The following CNIH2 variants were observed in gnomAD, a reference collection of about 807,000 sequenced individuals.
The protein encoded by CNIH2 is protein cornichon homolog 2.
In CNIH2, 8 loss-of-function variants were observed where a neutral mutation model predicts 22.9. The observed-to-expected ratio is 0.35, with a 90% CI of 0.20 to 0.63. The LOEUF (loss-of-function observed/expected upper bound fraction) is 0.63. Ranked by LOEUF, CNIH2 falls within the 30% of genes least tolerant of loss-of-function variation. The pLI is 0.72. For missense variants in CNIH2, 105 were observed against 206.2 expected (o/e 0.51, Z 3.01); for synonymous variants, 74 against 78.2 (o/e 0.95, Z 0.28).
intron 1 of CNIH2, among the ~76,000 whole-genome samples, chr11:66,281,797 T>A (rs1450956190): frequency 6.6e-6 from 1 of 151,836 alleles, no homozygotes; most frequent in African/African-American, 2.4e-5. Flanking sequence ...CACCAACACC[T>A]ACTCCGAGTC....
rs775417252 is a variant in CNIH2, at chr11:66,284,004, G to C, written c.*407G>C. ...CTGCAGGTGGGGGGGTACCCGCACC[G>C]GGAATGAGCAGGCTCAGCAGGGGGG... On this transcript the variant is annotated 3_prime_UTR_variant, in exon 6 of 6. Transcript: ENST00000311445. The C allele has an allele frequency of 4.5e-6, 1 of 220,098 alleles. No homozygotes were observed. Among genetic ancestry groups the C allele is most frequent in the South Asian group, 6.4e-5 (1 of 15,616 alleles). The allele number at this position is 220,098 out of a possible 1,614,324, so 13.6% of individuals were successfully genotyped here.
rs1394593530 is a variant in CNIH2 at position 66,278,440 on chromosome 11, C to T, written c.-17C>T. On this transcript the variant is annotated 5_prime_UTR_variant, in exon 1 of 6. Coordinates refer to ENST00000311445, the MANE Select transcript of CNIH2 (RefSeq NM_182553.3). ...CCCGCGCTGGCGCCCCCCGGGCCGCCGCCCGGCGCGGGGGCCATGGCGTTC... is the reference window on the plus strand; with the variant it reads ...CCCGCGCTGGCGCCCCCCGGGCCGCTGCCCGGCGCGGGGGCCATGGCGTTC... The T allele has an allele frequency of 9.8e-6, 12 of 1,228,900 alleles. 1 individual carries two copies. The highest frequency in any genetic ancestry group is 1.2e-5 in the Non-Finnish European group (12 of 974,564). 76.1% of individuals were successfully genotyped at this position (1,228,900 alleles called of 1,614,324 possible). A position where few individuals can be genotyped will look rare whatever the true frequency, so the allele number is the denominator to read the frequency against.
chr11:66,283,948 AT>A lies in CNIH2; in HGVS notation c.*352del, dbSNP rs2134883711. ...AGCTTGACCCTGGAAATTCTGGGCC[AT>A]CCCCCTCCACCCCCACCCTGAGGCT... On this transcript the variant is annotated 3_prime_UTR_variant, in exon 6 of 6. Coordinates refer to ENST00000311445, the MANE Select transcript of CNIH2 (RefSeq NM_182553.3). 3.8e-6 allele frequency: 1 copy of A among 260,754 alleles called. No homozygotes were observed. Among genetic ancestry groups the A allele is most frequent in the South Asian group, 5.3e-5 (1 of 18,714 alleles). 16.2% of individuals were successfully genotyped at this position (260,754 alleles called of 1,614,324 possible). A position where few individuals can be genotyped will look rare whatever the true frequency, so the allele number is the denominator to read the frequency against.
intron 2 of CNIH2, 117 bp from the exon 3 acceptor site, chr11:66,282,616 C>A: frequency 8.8e-6 from 11 of 1,255,794 alleles, no homozygotes; most frequent in Middle Eastern, 2.2e-4. Context: ...CCGGCCGTGC[C>A]GACAGTGCCG....
At chr11:66,280,769 G>A (rs1233093253) in intron 1 of CNIH2, among the ~76,000 whole-genome samples, 1 of 152,172 alleles carries the variant, frequency 6.6e-6, no homozygotes. Context: ...GCTGGGCGGG[G>A]AGGGGGGATG....
chr11:66,282,429 G>GCTAGGGGGGGGGGGGGGGGGGGGC, intron 2 of CNIH2, 102 bp downstream of exon 2: 1 of 479,464 alleles, frequency 2.1e-6, no homozygotes, highest in Non-Finnish European at 4.2e-6. Context: ...GGGGTGGGGG[G>GCTAGGGGGGGGGGGGGGGGGGGGC]CCTACGGCCA....
chr11:66,282,312 G>A lies in CNIH2; in HGVS notation c.135G>A (p.Gly45=). Residue 45 remains glycine (G), a synonymous_variant, in exon 2 of 6, where the codon GGG becomes GGA. Coordinates refer to ENST00000311445, the MANE Select transcript of CNIH2 (RefSeq NM_182553.3). ...RTDFKNPIDQ[G]NPARARERLK... ...ACTTCAAGAACCCCATCGACCAGGGGAACCCTGCGCGGGCAGTAAGTGATA... is the reference window on the plus strand; with the variant it reads ...ACTTCAAGAACCCCATCGACCAGGGAAACCCTGCGCGGGCAGTAAGTGATA... 1.2e-6 allele frequency: 2 copies of A among 1,607,130 alleles called. No homozygotes were observed. Among genetic ancestry groups the A allele is most frequent in the Non-Finnish European group, 1.7e-6 (2 of 1,176,342 alleles).
intron 1 of CNIH2, among the ~76,000 whole-genome samples, chr11:66,279,961 T>A (rs1250475500): frequency 1.3e-5 from 2 of 152,076 alleles, no homozygotes; most frequent in Non-Finnish European, 2.9e-5. Context: ...AGGGCTAGGG[T>A]TCTAAGGACT....
intron 3 of CNIH2, 120 bp downstream of exon 3, chr11:66,282,900 T>G: frequency 7.1e-7 from 1 of 1,407,912 alleles, no homozygotes; most frequent in Non-Finnish European, 9.9e-7. Flanking sequence ...TGGGAGGGAG[T>G]GGGAAGCCAG....
At chr11:66,280,634 G>C (rs1400471878) in intron 1 of CNIH2, among the ~76,000 whole-genome samples, 1 of 152,178 alleles carries the variant, frequency 6.6e-6, no homozygotes, top group Non-Finnish European at 1.5e-5. Context: ...CAGCCTGGGG[G>C]GTGGGAGGGG....
Position 66,283,355 on chromosome 11 carries a change from C to T in CNIH2, c.419C>T (p.Ala140Val), listed in dbSNP as rs1187481410. 2 of 1,614,162 alleles carry T rather than the reference C, an allele frequency of 1.2e-6. No individual in the cohort carries two copies. The highest frequency in any genetic ancestry group is 1.7e-6 in the Non-Finnish European group (2 of 1,180,010). ...YCQKESWCKL[A>V]FYLLSFFYYL... ...CAGAAGGAGTCCTGGTGCAAACTTG[C>T]CTTCTACCTGCTCTCCTTCTTCTAT... is the stretch of plus-strand genomic sequence containing the variant. The change falls in exon 5 of 6, where the codon GCC becomes GTC. Residue 140 changes from alanine to valine, a missense_variant. Transcript: ENST00000311445.
In CNIH2 at chr11:66,281,764, G is replaced by A. The variant is rs140019943; in HGVS notation, c.82-495G>A. Among the ~76,000 whole-genome samples, 178 of 151,914 alleles carry A rather than the reference G, an allele frequency of 1.2e-3. 1 individual carries two copies. The highest frequency in any genetic ancestry group is 1.7e-3 in the Non-Finnish European group (117 of 67,988). On this transcript the variant is annotated intron_variant, in intron 1 of 5. Transcript: ENST00000311445. ...TCTGCCATTGCACCTTCTACTGCTT[G>A]GACTGCATTTCCCCCATTTGCTCAC...
Position 66,278,533 on chromosome 11 carries a change from G to C in CNIH2, c.77G>C (p.Trp26Ser). Reference protein sequence around the residue: ...LCASLIFFVIWHIIAFDELRT... With the variant: ...LCASLIFFVISHIIAFDELRT... ...GCCTCCCTCATCTTCTTTGTCATCT[G>C]GCACGTAAGGCCGGGCTGGGGCTGG... The change falls in exon 1 of 6, where the codon TGG becomes TCG. Residue 26 changes from tryptophan to serine, a missense_variant. Coordinates refer to ENST00000311445, the MANE Select transcript of CNIH2 (RefSeq NM_182553.3). 6.7e-7 allele frequency: 1 copy of C among 1,483,472 alleles called. No homozygotes were observed. Among genetic ancestry groups the C allele is most frequent in the Non-Finnish European group, 9.0e-7 (1 of 1,110,408 alleles). 91.9% of individuals were successfully genotyped at this position (1,483,472 alleles called of 1,614,324 possible).
chr11:66,283,964 A>C lies in CNIH2; in HGVS notation c.*367A>C. The C allele has an allele frequency of 2.7e-5, 6 of 225,362 alleles. No homozygotes were observed. The highest frequency in any genetic ancestry group is 5.4e-5 in the Non-Finnish European group (6 of 111,574). 14.0% of individuals were successfully genotyped at this position (225,362 alleles called of 1,614,324 possible). On this transcript the variant is annotated 3_prime_UTR_variant, in exon 6 of 6. Transcript: ENST00000311445. ...TTCTGGGCCATCCCCCTCCACCCCC[A>C]CCCTGAGGCTCCCCCTGCAGGTGGG...
At chr11:66,281,114 G>A (rs1857252590) in intron 1 of CNIH2, among the ~76,000 whole-genome samples, 1 of 152,140 alleles carries the variant, frequency 6.6e-6, no homozygotes, top group African/African-American at 2.4e-5. Flanking sequence ...CTCCTAAAGA[G>A]CTGTAGAATC....
At position 66,284,013 on chromosome 11, in the gene CNIH2, C is replaced by T. The variant is rs1857308061; in HGVS notation, c.*416C>T. The T allele has an allele frequency of 4.6e-6, 1 of 215,692 alleles. No homozygotes were observed. The allele number at this position is 215,692 out of a possible 1,614,324, so 13.4% of individuals were successfully genotyped here. A position where few individuals can be genotyped will look rare whatever the true frequency, so the allele number is the denominator to read the frequency against. On this transcript the variant is annotated 3_prime_UTR_variant, in exon 6 of 6. Coordinates refer to ENST00000311445, the MANE Select transcript of CNIH2 (RefSeq NM_182553.3). ...GGGGGGTACCCGCACCGGGAATGAG[C>T]AGGCTCAGCAGGGGGGCAGCCCCAC...
intron 1 of CNIH2, among the ~76,000 whole-genome samples, chr11:66,279,217 C>T (rs948118439): frequency 6.6e-6 from 1 of 151,878 alleles, no homozygotes; most frequent in African/African-American, 2.4e-5. Context: ...CTCTCACATA[C>T]CCCTTGGTCT....
chr11:66,283,031 C>G lies in CNIH2; in HGVS notation c.199-4C>G, dbSNP rs1437125197. 5.6e-6 allele frequency: 9 copies of G among 1,612,696 alleles called. No individual in the cohort carries two copies. Among genetic ancestry groups the G allele is most frequent in the Non-Finnish European group, 7.6e-6 (9 of 1,178,812 alleles). Reference sequence around the variant, plus strand: ...CCGCTGACCTCTCACCCTCACTCCCCCAGCTGGTGGTCCCAGAATACTCCA... The same window carrying G: ...CCGCTGACCTCTCACCCTCACTCCCGCAGCTGGTGGTCCCAGAATACTCCA... On this transcript the variant is annotated splice_region_variant and splice_polypyrimidine_tract_variant and intron_variant, in intron 3 of 5. Transcript: ENST00000311445.
At chr11:66,280,115 G>C in intron 1 of CNIH2, among the ~76,000 whole-genome samples, 1 of 152,186 alleles carries the variant, frequency 6.6e-6, no homozygotes, top group East Asian at 1.9e-4. Context: ...TGTCCTCAGG[G>C]GATCCTCAGC....
Sources: allele counts gnomAD v4.1 joint callset (sites outside exome capture counted in the v4.1 genomes callset), GRCh38; gene constraint gnomAD v4.1.1; transcripts MANE v1.5; gene names NCBI Gene and HGNC (gene_info 2026-07-23, HGNC 2026-07-21).